The following WNT2 variants were observed in gnomAD, a reference collection of about 807,000 sequenced individuals.
The protein encoded by WNT2 is Wnt family member 2, also known as protein Wnt-2.
Under a neutral mutation model 36.9 loss-of-function variants are expected in WNT2, and 12 were observed. The observed-to-expected ratio is 0.33, with a 90% CI of 0.21 to 0.53. The LOEUF is 0.53. Among genes scored for constraint, WNT2 ranks in the 20% least tolerant of loss-of-function variants. The pLI is 0.95. For synonymous variants in WNT2, 163 were observed against 174.6 expected (o/e 0.93, Z 0.52); for missense variants, 379 against 473.1 (o/e 0.80, Z 1.84).
rs1795353069 is a variant in WNT2, at chr7:117,322,750, G to C, written c.83+157C>G. 6.6e-6 allele frequency among the ~76,000 whole-genome samples: 1 copy of C among 152,150 alleles called. No homozygotes were observed. Among genetic ancestry groups the C allele is most frequent in the Non-Finnish European group, 1.5e-5 (1 of 68,022 alleles). On this transcript the variant is annotated intron_variant, in intron 1 of 4. Coordinates refer to ENST00000265441, the MANE Select transcript of WNT2 (RefSeq NM_003391.3). The surrounding 1 kb of genome is among the most constrained non-coding windows in gnomAD (Gnocchi z 5.4). ...ATGATCTTCTGGGAAAAGAGAAGGG[G>C]CTCACCATGGGGCGATAAGAGGGCA... is the stretch of plus-strand genomic sequence containing the variant.
chr7:117,290,931 A>G (rs1794678174), intron 4 of WNT2, among the ~76,000 whole-genome samples: 2 of 152,248 alleles, frequency 1.3e-5, no homozygotes, highest in Non-Finnish European at 1.5e-5. Context: ...ACATATTAGT[A>G]TCTAAGTAAG....
intron 4 of WNT2, among the ~76,000 whole-genome samples, chr7:117,281,685 C>T (rs1794492030): frequency 6.6e-6 from 1 of 152,026 alleles, no homozygotes; most frequent in African/African-American, 2.4e-5. Context: ...TGGAATACTT[C>T]AGACAAGAGA....
intron 4 of WNT2, among the ~76,000 whole-genome samples, chr7:117,287,216 G>A (rs548908500): frequency 9.2e-5 from 14 of 152,218 alleles, no homozygotes; most frequent in African/African-American, 2.4e-4. Flanking sequence ...GCATGGTGGC[G>A]TGCCTGTAGT....
At chr7:117,285,580 C>T (rs1794564626) in intron 4 of WNT2, among the ~76,000 whole-genome samples, 1 of 152,148 alleles carries the variant, frequency 6.6e-6, no homozygotes, top group South Asian at 2.1e-4. Flanking sequence ...ACTGTATCTA[C>T]AAAACAAGTG....
intron 3 of WNT2, among the ~76,000 whole-genome samples, chr7:117,309,587 C>T (rs1795083252): frequency 1.3e-5 from 2 of 152,124 alleles, no homozygotes; most frequent in African/African-American, 2.4e-5. Flanking sequence ...AATAATGGTA[C>T]CTACCCCTGA....
chr7:117,298,023 C>T (rs1794827661), intron 3 of WNT2, 147 bp from the exon 4 acceptor site: 1 of 1,186,512 alleles, frequency 8.4e-7, no homozygotes, highest in Non-Finnish European at 1.2e-6. Context: ...CATTGCTTGT[C>T]ACTTGTTAGC....
intron 3 of WNT2, among the ~76,000 whole-genome samples, chr7:117,311,990 T>C (rs1345857242): frequency 2.0e-5 from 3 of 152,206 alleles, no homozygotes; most frequent in Non-Finnish European, 4.4e-5. Context: ...ATTCCTCTTA[T>C]TCTTATGGAA....
At position 117,315,188 on chromosome 7, in the gene WNT2, G is replaced by A; in HGVS notation, c.471C>T (p.Cys157=). Residue 157 remains cysteine (C), a synonymous_variant, in exon 3 of 5, where the codon TGC becomes TGT. Transcript: ENST00000265441. Reference sequence around the variant, plus strand: ...TGATCCCATAGTCAATGTTATCACTGCAGCCACCCCAATCAAAAATGCCTT... The same window carrying A: ...TGATCCCATAGTCAATGTTATCACTACAGCCACCCCAATCAAAAATGCCTT... The part of the protein sequence containing the change: ...DSKGIFDWGG[C]SDNIDYGIKF... 1 of 1,614,102 alleles carries A rather than the reference G, an allele frequency of 6.2e-7. No homozygotes were observed. The highest frequency in any genetic ancestry group is 8.5e-7 in the Non-Finnish European group (1 of 1,180,030).
intron 2 of WNT2, among the ~76,000 whole-genome samples, chr7:117,318,884 T>C (rs947280609): frequency 1.3e-5 from 2 of 152,230 alleles, no homozygotes; most frequent in African/African-American, 4.8e-5. Context: ...TAAGTTACAG[T>C]ATTTTATAAA....
In WNT2 at chr7:117,309,729, T is replaced by C. The variant is rs539214395; in HGVS notation, c.588+5342A>G. Among the ~76,000 whole-genome samples the C allele has an allele frequency of 3.9e-5, 6 of 152,296 alleles. 2 individuals carry two copies. Among genetic ancestry groups the C allele is most frequent in the African/African-American group, 1.4e-4 (6 of 41,566 alleles). On this transcript the variant is annotated intron_variant, in intron 3 of 4. Transcript: ENST00000265441. ...GATGCCAGGGCCTTATCCTCCATAA[T>C]GCCTCAGTCAAGAACTCCTAAACTA...
intron 4 of WNT2, among the ~76,000 whole-genome samples, chr7:117,293,018 AAGCTCAGGTGAGAGGATCACTTG>A (rs1161350583): frequency 6.6e-6 from 1 of 152,144 alleles, no homozygotes; most frequent in Admixed American, 6.6e-5. Flanking sequence ...GCCACTTGGG[AAGCTCAGGTGAGAGGATCACTTG>A]AGCTCAGGAG....
chr7:117,297,462 G>A (rs1031445861), intron 4 of WNT2, 150 bp downstream of exon 4: 79 of 1,023,698 alleles, frequency 7.7e-5, no homozygotes, highest in Middle Eastern at 3.3e-4. Flanking sequence ...GAGCCACCGC[G>A]CCCAGCCCTG....
intron 3 of WNT2, among the ~76,000 whole-genome samples, chr7:117,314,193 G>T (rs931846147): frequency 4.6e-5 from 7 of 152,146 alleles, no homozygotes; most frequent in African/African-American, 1.4e-4. Context: ...GATTCACCCA[G>T]CCAGTTAATG....
Position 117,290,278 on chromosome 7 carries a change from A to T in WNT2, c.853+7334T>A, listed in dbSNP as rs957523366. Among the ~76,000 whole-genome samples, 6 of 152,316 alleles carry T rather than the reference A, an allele frequency of 3.9e-5. 1 individual carries two copies. In the South Asian group the frequency reaches 6.2e-4, roughly 16 times the overall value. ...TTCAAAATTTGGAGAAGGAGAAACT[A>T]GCAACTGAAATCAGAAAGGACTAGT... On this transcript the variant is annotated intron_variant, in intron 4 of 4. Coordinates refer to ENST00000265441, the MANE Select transcript of WNT2 (RefSeq NM_003391.3).
rs1001967497 is a variant in WNT2 at position 117,294,112 on chromosome 7, T to C, written c.853+3500A>G. ...GGGTCTCTCACTATGTTACCCAGGCTGAGTTTGAACTCCTGGCCTCAAGTG... is the reference window on the plus strand; with the variant it reads ...GGGTCTCTCACTATGTTACCCAGGCCGAGTTTGAACTCCTGGCCTCAAGTG... On this transcript the variant is annotated intron_variant, in intron 4 of 4. Coordinates refer to ENST00000265441, the MANE Select transcript of WNT2 (RefSeq NM_003391.3). Among the ~76,000 whole-genome samples the C allele has an allele frequency of 9.2e-5, 14 of 152,332 alleles. No homozygotes were observed. In the East Asian group the frequency reaches 2.5e-3, roughly 27 times the overall value.
In WNT2 at chr7:117,284,736, T is replaced by C. The variant is rs918303120; in HGVS notation, c.854-6352A>G. ...GGAGCCAATATTTATGGAGCACTTA[T>C]GTGAGCTAGGCCCCATGCTAAGCAT... On this transcript the variant is annotated intron_variant, in intron 4 of 4. Coordinates refer to ENST00000265441, the MANE Select transcript of WNT2 (RefSeq NM_003391.3). The surrounding 1 kb of genome is among the most constrained non-coding windows in gnomAD (Gnocchi z 5.2). Among the ~76,000 whole-genome samples the C allele has an allele frequency of 2.6e-5, 4 of 152,246 alleles. No homozygotes were observed. The highest frequency in any genetic ancestry group is 7.2e-5 in the African/African-American group (3 of 41,468).
intron 4 of WNT2, among the ~76,000 whole-genome samples, chr7:117,292,853 A>G (rs1183670561): frequency 2.0e-5 from 3 of 152,224 alleles, no homozygotes; most frequent in African/African-American, 2.4e-5. Context: ...CAGGTACTGA[A>G]AAAACATATA....
chr7:117,290,216 A>G (rs1013719677), intron 4 of WNT2, among the ~76,000 whole-genome samples: 9 of 152,236 alleles, frequency 5.9e-5, no homozygotes, highest in Non-Finnish European at 2.9e-5. Flanking sequence ...GAAAGTACAG[A>G]GAGAGAGCAA....
At chr7:117,309,165 C>T (rs1017193020) in intron 3 of WNT2, among the ~76,000 whole-genome samples, 2 of 151,308 alleles carry the variant, frequency 1.3e-5, no homozygotes, top group Non-Finnish European at 1.5e-5. Context: ...GCCTGGGTGA[C>T]AGGGTGAGAC....
Sources: allele counts gnomAD v4.1 joint callset (sites outside exome capture counted in the v4.1 genomes callset), GRCh38; gene constraint gnomAD v4.1.1; non-coding constraint Gnocchi (gnomAD v3.1); transcripts MANE v1.5; gene names NCBI Gene and HGNC (gene_info 2026-07-23, HGNC 2026-07-21).